The following PDE4D variants were observed in gnomAD, a reference collection of about 807,000 sequenced individuals.
PDE4D encodes the protein phosphodiesterase 4D, also known as 3',5'-cyclic-AMP phosphodiesterase 4D.
A neutral mutation model predicts 87.4 loss-of-function variants in PDE4D; 24 were observed. That is an observed-to-expected ratio of 0.27 (90% CI 0.20 to 0.39). The LOEUF (loss-of-function observed/expected upper bound fraction) is 0.39, where lower values mean the gene tolerates loss of function less well. Ranked by LOEUF, PDE4D falls within the 10% of genes least tolerant of loss-of-function variation. PDE4D has a pLI of 1.00. For missense variants in PDE4D, 714 were observed against 1,041.0 expected (o/e 0.69, Z 4.32); for synonymous variants, 384 against 383.2 (o/e 1.00, Z -0.02).
chr5:59,651,975 GACCAAGGATA>G (rs1267751031), intron 1 of PDE4D, among the ~76,000 whole-genome samples: 2 of 152,148 alleles, frequency 1.3e-5, no homozygotes, highest in Non-Finnish European at 2.9e-5. Flanking sequence ...ACTATCAAGT[GACCAAGGATA>G]TAAAGGCCTA....
chr5:59,235,425 G>A (rs1756197628), intron 1 of PDE4D, among the ~76,000 whole-genome samples: 1 of 152,160 alleles, frequency 6.6e-6, no homozygotes, highest in Admixed American at 6.5e-5. Flanking sequence ...GATGGGATTG[G>A]GAGTGTAGAT....
At chr5:60,001,724 A>G (rs1434475653) in intron 2 of PDE4D, among the ~76,000 whole-genome samples, 2 of 152,192 alleles carry the variant, frequency 1.3e-5, no homozygotes, top group African/African-American at 2.4e-5. Context: ...ATACAAAAAG[A>G]TGCAAAGCAT....
chr5:60,007,491 T>C (rs1362616859), intron 2 of PDE4D, among the ~76,000 whole-genome samples: 1 of 152,050 alleles, frequency 6.6e-6, no homozygotes, highest in East Asian at 1.9e-4. Flanking sequence ...TATTTTCATT[T>C]AAAAATCTAG....
intron 2 of PDE4D, among the ~76,000 whole-genome samples, chr5:60,045,229 T>G (rs1248567356): frequency 6.6e-6 from 1 of 152,030 alleles, no homozygotes; most frequent in African/African-American, 2.4e-5. Context: ...TTCTTGTAAA[T>G]TTGTTTGAGT....
At chr5:59,015,585 C>T (rs1185573445) in intron 6 of PDE4D, among the ~76,000 whole-genome samples, 1 of 151,990 alleles carries the variant, frequency 6.6e-6, no homozygotes, top group Non-Finnish European at 1.5e-5. Flanking sequence ...TACCATCTCA[C>T]ACCAGTTAGA....
intron 5 of PDE4D, among the ~76,000 whole-genome samples, chr5:59,102,631 T>C (rs1001322325): frequency 6.6e-6 from 1 of 152,184 alleles, no homozygotes. Flanking sequence ...AAAAAGCCTG[T>C]CAGCTGAAGA....
At chr5:59,629,540 A>C (rs1390320252) in intron 1 of PDE4D, among the ~76,000 whole-genome samples, 1 of 152,108 alleles carries the variant, frequency 6.6e-6, no homozygotes, top group Non-Finnish European at 1.5e-5. Context: ...TAAGAAAAGG[A>C]CCTGAAACAG....
chr5:60,118,696 T>C (rs546039766), intron 2 of PDE4D, among the ~76,000 whole-genome samples: 2 of 152,144 alleles, frequency 1.3e-5, no homozygotes, highest in South Asian at 4.1e-4. Flanking sequence ...ATCCTACTTT[T>C]GACCATTTTT....
intron 2 of PDE4D, among the ~76,000 whole-genome samples, chr5:60,147,195 G>A (rs1025887220): frequency 2.0e-5 from 3 of 152,312 alleles, no homozygotes; most frequent in Admixed American, 2.0e-4. Flanking sequence ...ACTCTCTGTT[G>A]AATTGATTTT....
chr5:59,992,220 G>T (rs934424109), intron 2 of PDE4D, among the ~76,000 whole-genome samples: 1 of 152,178 alleles, frequency 6.6e-6, no homozygotes, highest in Non-Finnish European at 1.5e-5. Flanking sequence ...CTACTTTTGA[G>T]TGTGATGAGA....
chr5:59,773,579 G>GT (rs1166875132), intron 1 of PDE4D, among the ~76,000 whole-genome samples: 2 of 151,872 alleles, frequency 1.3e-5, no homozygotes, highest in Non-Finnish European at 2.9e-5. Flanking sequence ...GATGTTTTTT[G>GT]TTTTTATGTT....
intron 1 of PDE4D, among the ~76,000 whole-genome samples, chr5:59,343,140 T>C (rs1390571385): frequency 6.6e-6 from 1 of 152,122 alleles, no homozygotes; most frequent in East Asian, 1.9e-4. Context: ...GTGTCTGTTG[T>C]TCCCCCCTAT....
intron 1 of PDE4D, among the ~76,000 whole-genome samples, chr5:60,406,581 C>G (rs1741554437): frequency 6.6e-6 from 1 of 152,156 alleles, no homozygotes; most frequent in Non-Finnish European, 1.5e-5. Flanking sequence ...GTTGCTGCCA[C>G]ATTCCTAAAT....
chr5:60,340,600 C>T (rs1396460827), intron 1 of PDE4D, among the ~76,000 whole-genome samples: 12 of 74,216 alleles, frequency 1.6e-4, no homozygotes, highest in Admixed American at 1.2e-3. Flanking sequence ...AAAGCAGTCA[C>T]ATCATTTAAA....
intron 5 of PDE4D, among the ~76,000 whole-genome samples, chr5:59,126,626 T>C (rs1775442021): frequency 6.6e-6 from 1 of 152,214 alleles, no homozygotes; most frequent in South Asian, 2.1e-4. Context: ...TATCAGTCCA[T>C]TTGAAATAGG....
chr5:60,365,779 C>T (rs114275377), intron 1 of PDE4D, among the ~76,000 whole-genome samples: 13,587 of 151,966 alleles, frequency 0.089, 705 homozygotes, highest in African/African-American at 0.13. Flanking sequence ...CGTGGTGGCT[C>T]ACCCCCGTAA....
intron 3 of PDE4D, among the ~76,000 whole-genome samples, chr5:59,979,546 C>T (rs1446388310): frequency 2.0e-5 from 3 of 151,902 alleles, no homozygotes; most frequent in African/African-American, 7.2e-5. Flanking sequence ...GGACAAAGGT[C>T]TCACTTTAAC....
Position 60,178,962 on chromosome 5 carries a change from A to G in PDE4D, c.42+6595T>C, listed in dbSNP as rs373772424. On this transcript the variant is annotated intron_variant, in intron 2 of 16. Coordinates refer to the PDE4D transcript ENST00000502484. The stretch of plus-strand genomic sequence containing the variant: ...CAAATAGTTGGTGAGGGCTTAACAA[A>G]TATCGTAGATTGTATTAAATTCAGG... Among the ~76,000 whole-genome samples the G allele has an allele frequency of 1.3e-4, 20 of 152,272 alleles. 1 individual carries two copies. The East Asian group carries it at 2.9e-3, about 22-fold the overall frequency.
At chr5:59,728,112 A>G (rs1287189183) in intron 1 of PDE4D, among the ~76,000 whole-genome samples, 2 of 152,114 alleles carry the variant, frequency 1.3e-5, no homozygotes, top group African/African-American at 2.4e-5. Flanking sequence ...GTCAGTAAAC[A>G]TATTATCCCC....
Sources: gnomAD v4.1 joint callset for allele counts (sites outside exome capture counted in the v4.1 genomes callset) on GRCh38, gnomAD v4.1.1 for gene constraint, MANE v1.5 for transcripts, NCBI Gene and HGNC (gene_info 2026-07-23, HGNC 2026-07-21) for gene names.